Variants in CHD2 observed in about 807,000 individuals in gnomAD.
CHD2 encodes the protein chromodomain helicase DNA binding protein 2.
Under a neutral mutation model 243.9 loss-of-function variants are expected in CHD2, and 28 were observed. That is an observed-to-expected ratio of 0.11 (90% confidence interval 0.09 to 0.16). The LOEUF is 0.16. Ranked by LOEUF, CHD2 falls within the 10% of genes least tolerant of loss-of-function variation. The pLI, the probability that CHD2 is intolerant of heterozygous loss-of-function variation, is 1.00. For missense variants in CHD2, 1,386 were observed against 2,209.8 expected, an observed-to-expected ratio of 0.63 and a Z score of 7.47; for synonymous variants, 775 against 779.0, an observed-to-expected ratio of 0.99 and a Z score of 0.09.
chr15:92,945,743 C>A, intron 10 of CHD2, 78 bp from the exon 11 acceptor site: 1 of 858,044 alleles, frequency 1.2e-6, no homozygotes, highest in Non-Finnish European at 1.8e-6. Flanking sequence ...AATATATTTA[C>A]ATTTTATTCA....
intron 7 of CHD2, among the ~76,000 whole-genome samples, chr15:92,940,321 G>A (rs1034652429): frequency 6.6e-5 from 10 of 152,184 alleles, no homozygotes; most frequent in Admixed American, 5.2e-4. Context: ...GTGTGGTGGC[G>A]GCATGCACCT....
rs150640503 is a variant in CHD2, at chr15:93,012,351, A to G, written c.4599A>G (p.Leu1533=). 24 of 1,601,246 alleles carry G rather than the reference A, an allele frequency of 1.5e-5. No individual in the cohort carries two copies. The highest frequency in any genetic ancestry group is 5.3e-5 in the Admixed American group (3 of 57,128). Residue 1533 remains leucine (L), a synonymous_variant, in exon 36 of 39, where the codon CTA becomes CTG. Coordinates refer to ENST00000394196, the MANE Select transcript of CHD2 (RefSeq NM_001271.4). ...QEHIKLWRRN[L]WIFVSKFTEF... The stretch of plus-strand genomic sequence containing the variant: ...TGTTCATTTTTCTTTTTAGGAACCT[A>G]TGGATTTTTGTTTCCAAGTTTACAG...
chr15:93,015,324 C>T (rs141408854), intron 37 of CHD2, among the ~76,000 whole-genome samples: 26 of 152,292 alleles, frequency 1.7e-4, no homozygotes, highest in Non-Finnish European at 3.1e-4. Context: ...TGTGATCTGC[C>T]CACCTCAGCC....
intron 15 of CHD2, 24 bp from the exon 16 acceptor site, chr15:92,956,435 C>T (rs761718707): frequency 3.8e-6 from 6 of 1,593,778 alleles, no homozygotes; most frequent in East Asian, 2.2e-5. Flanking sequence ...CCTGGTGGCT[C>T]GTTCTGTTTT....
chr15:92,922,441 C>T (rs1203405749), intron 2 of CHD2, among the ~76,000 whole-genome samples: 1 of 152,180 alleles, frequency 6.6e-6, no homozygotes, highest in African/African-American at 2.4e-5. Context: ...CCCTCGACCC[C>T]TGCTCTCCCA....
At chr15:92,946,947 ATAG>A (rs1252190274) in intron 12 of CHD2, 2 of 151,838 alleles carry the variant, frequency 1.3e-5, no homozygotes, top group Admixed American at 1.3e-4. Flanking sequence ...AAAAAAAAAA[ATAG>A]AGAGCGGGAA....
chr15:93,008,193 A>G (rs1036150703), intron 34 of CHD2, among the ~76,000 whole-genome samples: 1 of 152,180 alleles, frequency 6.6e-6, no homozygotes, highest in Non-Finnish European at 1.5e-5. Context: ...CCACTCTGGA[A>G]TGTGAGAGGC....
In CHD2 at chr15:93,020,271, CT is replaced by C; in HGVS notation, c.5153+14del. ...ATTATTATGACAGGTATGCAAAAGG[CT>C]GTGAGACACCAGGTGCCAACCTTTG... is the stretch of plus-strand genomic sequence containing the variant. On this transcript the variant is annotated intron_variant, in intron 38 of 38. Coordinates refer to ENST00000394196, the MANE Select transcript of CHD2 (RefSeq NM_001271.4). 1 of 1,614,082 alleles carries C rather than the reference CT, an allele frequency of 6.2e-7. No homozygotes were observed. Among genetic ancestry groups the C allele is most frequent in the Non-Finnish European group, 8.5e-7 (1 of 1,180,008 alleles).
intron 32 of CHD2, among the ~76,000 whole-genome samples, chr15:93,001,909 G>A (rs935258434): frequency 1.3e-5 from 2 of 152,158 alleles, no homozygotes; most frequent in African/African-American, 4.8e-5. Flanking sequence ...GTTTCCATCC[G>A]TGAAATGAGA....
At chr15:93,002,362 A>C in intron 33 of CHD2, 45 bp downstream of exon 33, 1 of 1,565,982 alleles carries the variant, frequency 6.4e-7, no homozygotes, top group Non-Finnish European at 8.6e-7. Flanking sequence ...AGCCTTTGCA[A>C]TTCGCCATTT....
chr15:92,911,177 A>G (rs2052727708), intron 2 of CHD2, among the ~76,000 whole-genome samples: 1 of 152,238 alleles, frequency 6.6e-6, no homozygotes, highest in Admixed American at 6.5e-5. Flanking sequence ...AGATTGTTTC[A>G]GTGAAAACTA....
chr15:93,019,128 T>C (rs1162624804), intron 37 of CHD2, among the ~76,000 whole-genome samples: 2 of 152,162 alleles, frequency 1.3e-5, no homozygotes, highest in Non-Finnish European at 2.9e-5. Context: ...GTTAGAGAAA[T>C]TACTTTTTTA....
rs777710376 is a variant in CHD2 at position 92,981,390 on chromosome 15, G to A, written c.2999G>A (p.Arg1000Gln). Residue 1000 changes from arginine to glutamine, a missense_variant, in exon 24 of 39, where the codon CGG becomes CAG. Arg to Gln is a conservative substitution (Grantham distance 43). This residue lies in a region of CHD2 where 99 missense variants were observed against 206.4 expected (regional missense o/e 0.48). Coordinates refer to ENST00000394196, the MANE Select transcript of CHD2 (RefSeq NM_001271.4). ...PQEMDIDEIL[R>Q]LAETRENEVS... ...GAAATGGATATAGATGAAATTTTGC[G>A]GTTGGCTGAAACGAGAGAGAATGAA... The A allele has an allele frequency of 3.1e-6, 5 of 1,613,400 alleles. No individual in the cohort carries two copies. Among genetic ancestry groups the A allele is most frequent in the Non-Finnish European group, 3.4e-6 (4 of 1,179,484 alleles).
chr15:93,000,774 C>G, intron 32 of CHD2, 134 bp downstream of exon 32: 1 of 972,492 alleles, frequency 1.0e-6, no homozygotes, highest in African/African-American at 1.6e-5. Flanking sequence ...TAAGTCTTCG[C>G]TTAATCTGTC....
intron 28 of CHD2, among the ~76,000 whole-genome samples, chr15:92,994,120 T>C (rs1489413910): frequency 6.6e-6 from 1 of 152,238 alleles, no homozygotes; most frequent in African/African-American, 2.4e-5. Context: ...TGTTGAGCTG[T>C]GGTTAAATCT....
intron 35 of CHD2, among the ~76,000 whole-genome samples, chr15:93,010,591 T>G (rs567348858): frequency 6.6e-6 from 1 of 152,140 alleles, no homozygotes; most frequent in East Asian, 1.9e-4. Context: ...GCCTGGCTAA[T>G]TTTTGTATTT....
chr15:92,924,857 G>A (rs2053028357), intron 3 of CHD2, among the ~76,000 whole-genome samples: 1 of 152,118 alleles, frequency 6.6e-6, no homozygotes. Context: ...GGAGTGCGCA[G>A]TGGCACGATC....
Position 92,998,734 on chromosome 15 carries a change from T to A in CHD2, c.4008+113T>A. The A allele has an allele frequency of 7.6e-7, 1 of 1,323,380 alleles. No homozygotes were observed. The highest frequency in any genetic ancestry group is 1.0e-6 in the Non-Finnish European group (1 of 970,066). The allele number at this position is 1,323,380 out of a possible 1,614,324, so 82.0% of individuals were successfully genotyped here. Reference sequence around the variant, plus strand: ...CACTGCACAGAATGTCACCTTCTCATGGGCATATTTTGTTTTTGAGGTTCC... The same window carrying A: ...CACTGCACAGAATGTCACCTTCTCAAGGGCATATTTTGTTTTTGAGGTTCC... On this transcript the variant is annotated intron_variant, in intron 31 of 38. Transcript: ENST00000394196. The surrounding 1 kb of genome is among the most constrained non-coding windows in gnomAD (Gnocchi z 5.1).
chr15:92,984,114 C>T (rs1324681518), intron 24 of CHD2, among the ~76,000 whole-genome samples: 1 of 152,106 alleles, frequency 6.6e-6, no homozygotes, highest in Non-Finnish European at 1.5e-5. Context: ...CTCTGCTTTT[C>T]AGTAAAATTT....
Sources: gnomAD v4.1 joint callset for allele counts (sites outside exome capture counted in the v4.1 genomes callset) on GRCh38, gnomAD v4.1.1 for gene constraint, gnomAD v4.1.1 regional missense constraint, Gnocchi (gnomAD v3.1) non-coding constraint, MANE v1.5 for transcripts, NCBI Gene and HGNC (gene_info 2026-07-23, HGNC 2026-07-21) for gene names.